The following FCN1 variants were observed in gnomAD, a reference collection of about 807,000 sequenced individuals.
The protein encoded by FCN1 is ficolin-1.
Under a neutral mutation model 35.6 loss-of-function variants are expected in FCN1, and 42 were observed. The observed-to-expected ratio is 1.18, with a 90% CI of 0.92 to 1.53. The LOEUF (loss-of-function observed/expected upper bound fraction) is 1.53. Ranked by LOEUF, FCN1 falls within the 40% of genes most tolerant of loss-of-function variation. The pLI is 0.00. For synonymous variants in FCN1, 179 were observed against 169.8 expected, an observed-to-expected ratio of 1.05 and a Z score of -0.42; for missense variants, 439 against 428.4, an observed-to-expected ratio of 1.02 and a Z score of -0.22.
Position 134,913,019 on chromosome 9 carries a change from C to T in FCN1, c.465G>A (p.Trp155Ter). The change falls in exon 6 of 9, where the codon TGG becomes TGA. Residue 155 changes from tryptophan (W) to a stop codon, truncating the protein, a stop_gained. Transcript: ENST00000371806. LOFTEE classifies it high-confidence loss of function. ...LCDMDTDGGG[W>*]TVFQRRMDGS... Reference sequence around the variant, plus strand: ...CTCTGCCCAGCCCCACACTCACGGTCCAGCCCCCTCCGTCCGTGTCCATGT... The same window carrying T: ...CTCTGCCCAGCCCCACACTCACGGTTCAGCCCCCTCCGTCCGTGTCCATGT... 6.2e-7 allele frequency: 1 copy of T among 1,610,918 alleles called. No individual in the cohort carries two copies. The highest frequency in any genetic ancestry group is 8.5e-7 in the Non-Finnish European group (1 of 1,178,608).
At position 134,907,809 on chromosome 9, in the gene FCN1, C is replaced by T. The variant is rs994030317; in HGVS notation, c.*1989G>A. On this transcript the variant is annotated 3_prime_UTR_variant, in exon 9 of 9. Transcript: ENST00000371806. ...TGTCATGGCTGTATGGCGTTCTACC[C>T]AATGGCTATCCTTGCATTTTTTAAC... The T allele has an allele frequency of 2.0e-5, 3 of 152,208 alleles. No individual in the cohort carries two copies. Among genetic ancestry groups the T allele is most frequent in the African/African-American group, 4.8e-5 (2 of 41,432 alleles). 9.4% of individuals were successfully genotyped at this position (152,208 alleles called of 1,614,324 possible).
At chr9:134,915,566 G>A (rs1054091014) in intron 2 of FCN1, among the ~76,000 whole-genome samples, 3 of 152,168 alleles carry the variant, frequency 2.0e-5, no homozygotes, top group Non-Finnish European at 4.4e-5. Context: ...AGCCTGCGGA[G>A]TGGGCACAGA....
Position 134,905,621 on chromosome 9 carries a change from C to T in FCN1, c.*4177G>A, listed in dbSNP as rs969599711. On this transcript the variant is annotated 3_prime_UTR_variant, in exon 9 of 9. Transcript: ENST00000371806. ...GCCTCAGCTTCTCGAGTAGCTGGGA[C>T]GATAGGCATCCCCCACCATGAACGG... Among the ~76,000 whole-genome samples, 6 of 151,736 alleles carry T rather than the reference C, an allele frequency of 4.0e-5. No individual in the cohort carries two copies. The East Asian group carries it at 7.8e-4, about 20-fold the overall frequency.
At position 134,913,134 on chromosome 9, in the gene FCN1, T is replaced by C. The variant is rs771288863; in HGVS notation, c.350A>G (p.Asn117Ser). 3.1e-6 allele frequency: 5 copies of C among 1,613,698 alleles called. No individual in the cohort carries two copies. Among genetic ancestry groups the C allele is most frequent in the African/African-American group, 2.7e-5 (2 of 74,912 alleles). The change falls in exon 6 of 9, where the codon AAC becomes AGC. Residue 117 changes from asparagine to serine, a missense_variant. By Grantham distance (46) the Asn-to-Ser change is conservative (BLOSUM62 1). Coordinates refer to ENST00000371806, the MANE Select transcript of FCN1 (RefSeq NM_002003.5). ...CCCCCGGTCTAGCAGGTCCTTGCAG[T>C]TGCGTGGGCCTGGGAAGGGAACCCG... Reference protein sequence around the residue: ...QSQSCATGPRNCKDLLDRGYF... With the variant: ...QSQSCATGPRSCKDLLDRGYF...
intron 2 of FCN1, 84 bp downstream of exon 2, chr9:134,916,264 T>C: frequency 1.9e-6 from 2 of 1,063,474 alleles, no homozygotes; most frequent in Admixed American, 3.4e-5. Context: ...GGTGGGGGTG[T>C]TGCCCAACTC....
chr9:134,917,683 T>C, intron 1 of FCN1, 86 bp downstream of exon 1: 1 of 819,874 alleles, frequency 1.2e-6, no homozygotes, highest in South Asian at 1.4e-5. Context: ...AAGATGTGCA[T>C]AAAAGGTTTT....
rs1830995696 is a variant in FCN1 at position 134,909,643 on chromosome 9, G to GA, written c.*154_*155insT. 1.3e-6 allele frequency: 2 copies of GA among 1,589,628 alleles called. No homozygotes were observed. The highest frequency in any genetic ancestry group is 1.7e-6 in the Non-Finnish European group (2 of 1,174,620). ...ATAATTCTCCCTCTGGTGAGGTTGT[G>GA]GGCATGTGGCGGCTTGACTGAGCTG... On this transcript the variant is annotated 3_prime_UTR_variant, in exon 9 of 9. Coordinates refer to ENST00000371806, the MANE Select transcript of FCN1 (RefSeq NM_002003.5).
rs754438411 is a variant in FCN1 at position 134,909,856 on chromosome 9, G to A, written c.923C>T (p.Ala308Val). 3.7e-5 allele frequency: 59 copies of A among 1,613,908 alleles called. 1 individual carries two copies. Among genetic ancestry groups the A allele is most frequent in the South Asian group, 7.7e-5 (7 of 91,080 alleles). Residue 308 changes from alanine (A) to valine (V), a missense_variant, in exon 9 of 9, where the codon GCG becomes GTG. By Grantham distance (64) the Ala-to-Val change is moderately conservative. Coordinates refer to ENST00000371806, the MANE Select transcript of FCN1 (RefSeq NM_002003.5). ...GTAGCTATATTTGTACCCCTTCGCC[G>A]CACTCCAGTTGATACCATTGGCATA... ...ESYANGINWS[A>V]AKGYKYSYKV...
At position 134,903,716 on chromosome 9, in the gene FCN1, A is replaced by G. The variant is rs1169993570; in HGVS notation, c.*6082T>C. 1.3e-5 allele frequency among the ~76,000 whole-genome samples: 2 copies of G among 152,184 alleles called. No homozygotes were observed. Among genetic ancestry groups the G allele is most frequent in the African/African-American group, 4.8e-5 (2 of 41,454 alleles). ...TAAAAAGAAACAAAAAACAGAAGAT[A>G]AGATCTACAGGCCACTGAGGTGTTT... On this transcript the variant is annotated 3_prime_UTR_variant, in exon 9 of 9. Coordinates refer to ENST00000371806, the MANE Select transcript of FCN1 (RefSeq NM_002003.5).
rs186003141 is a variant in FCN1, at chr9:134,912,948, A to C, written c.468+68T>G. On this transcript the variant is annotated intron_variant, in intron 6 of 8. Coordinates refer to ENST00000371806, the MANE Select transcript of FCN1 (RefSeq NM_002003.5). ...AATAGAGAATTCCAGAGTGTGTTCT[A>C]CAACCAGGTGTGCAGCCTGGCCTCC... 2.0e-4 allele frequency: 316 copies of C among 1,575,056 alleles called. No individual in the cohort carries two copies. In the African/African-American group the frequency reaches 3.7e-3, roughly 18 times the overall value.
At chr9:134,913,929 C>T (rs1273049583) in intron 4 of FCN1, among the ~76,000 whole-genome samples, 1 of 152,194 alleles carries the variant, frequency 6.6e-6, no homozygotes, top group Non-Finnish European at 1.5e-5. Context: ...ACTCTTCAAG[C>T]CTGGCAGGGT....
rs986795237 is a variant in FCN1, at chr9:134,907,287, C to T, written c.*2511G>A. 1 of 152,112 alleles carries T rather than the reference C, an allele frequency of 6.6e-6. No individual in the cohort carries two copies. The highest frequency in any genetic ancestry group is 2.4e-5 in the African/African-American group (1 of 41,412). The allele number at this position is 152,112 out of a possible 1,614,324, so 9.4% of individuals were successfully genotyped here. ...GGGGCGTAGTAGGGTCTGGTCAGCC[C>T]CCAATGGGCTACAAGGACCTCTCCT... On this transcript the variant is annotated 3_prime_UTR_variant, in exon 9 of 9. Transcript: ENST00000371806.
chr9:134,911,921 C>A (rs1831027915), intron 7 of FCN1, among the ~76,000 whole-genome samples: 2 of 152,244 alleles, frequency 1.3e-5, no homozygotes, highest in Admixed American at 6.5e-5. Context: ...ATTGTAGTTT[C>A]TTTTGCAGGA....
In FCN1 at chr9:134,916,425, A is replaced by C; in HGVS notation, c.140T>G (p.Leu47Arg). The change falls in exon 2 of 9, where the codon CTC becomes CGC. Residue 47 changes from leucine (L) to arginine (R), a missense_variant. By Grantham distance (102) the Leu-to-Arg change is moderately radical (BLOSUM62 -2). Coordinates refer to ENST00000371806, the MANE Select transcript of FCN1 (RefSeq NM_002003.5). ...KVVGLEGSDKLTILRGCPGLP... is the reference protein window; with the variant it reads ...KVVGLEGSDKRTILRGCPGLP... ...CCCCGGGCAGCCTCGGAGAATGGTG[A>C]GCTTGTCAGAGCCCTCCAGGCCCAC... The C allele has an allele frequency of 1.2e-6, 2 of 1,614,192 alleles. No homozygotes were observed. Among genetic ancestry groups the C allele is most frequent in the Non-Finnish European group, 1.7e-6 (2 of 1,180,036 alleles).
intron 5 of FCN1, 135 bp from the exon 6 acceptor site, chr9:134,913,278 A>AG: frequency 2.4e-6 from 3 of 1,239,498 alleles, no homozygotes; most frequent in Non-Finnish European, 3.4e-6. Flanking sequence ...AGGCCTGGAC[A>AG]GGGACACGGC....
At position 134,909,959 on chromosome 9, in the gene FCN1, A is replaced by G; in HGVS notation, c.820T>C (p.Phe274Leu). 1.2e-6 allele frequency: 2 copies of G among 1,614,130 alleles called. No homozygotes were observed. Among genetic ancestry groups the G allele is most frequent in the Non-Finnish European group, 1.7e-6 (2 of 1,179,994 alleles). Residue 274 changes from phenylalanine (F) to leucine (L), a missense_variant, in exon 9 of 9, where the codon TTC (phenylalanine) becomes CTC (leucine). Physicochemically the swap from Phe to Leu is conservative, Grantham distance 22. Transcript: ENST00000371806. ...TCGGCGTACCACCAGGCTCCTTGGAACTTCTCAGCACAATTCGAAGAACTC... is the reference window on the plus strand; with the variant it reads ...TCGGCGTACCACCAGGCTCCTTGGAGCTTCTCAGCACAATTCGAAGAACTC... Reference protein sequence around the residue: ...DVSSSNCAEKFQGAWWYADCH... With the variant: ...DVSSSNCAEKLQGAWWYADCH...
chr9:134,905,105 T>C lies in FCN1; in HGVS notation c.*4693A>G, dbSNP rs1267495818. Among the ~76,000 whole-genome samples the C allele has an allele frequency of 6.6e-6, 1 of 152,144 alleles. No individual in the cohort carries two copies. Among genetic ancestry groups the C allele is most frequent in the Non-Finnish European group, 1.5e-5 (1 of 68,032 alleles). On this transcript the variant is annotated 3_prime_UTR_variant, in exon 9 of 9. Coordinates refer to ENST00000371806, the MANE Select transcript of FCN1 (RefSeq NM_002003.5). ...ATAGTATACCGTAAAAAATCAAGGC[T>C]ATATATTGCAATCGCAAGCATAAAC...
rs1830979218 is a variant in FCN1 at position 134,908,284 on chromosome 9, CTCTAAT to C, written c.*1508_*1513del. On this transcript the variant is annotated 3_prime_UTR_variant, in exon 9 of 9. Transcript: ENST00000371806. ...TACCTTTTTTTATTTAACTGAGCTG[CTCTAAT>C]TCTTTTATTATTTGCAGGAATTCTT... is the stretch of plus-strand genomic sequence containing the variant. 1 of 152,170 alleles carries C rather than the reference CTCTAAT, an allele frequency of 6.6e-6. No homozygotes were observed. The highest frequency in any genetic ancestry group is 1.5e-5 in the Non-Finnish European group (1 of 68,036). 9.4% of individuals were successfully genotyped at this position (152,170 alleles called of 1,614,324 possible). A position where few individuals can be genotyped will look rare whatever the true frequency, so the allele number is the denominator to read the frequency against.
Position 134,914,791 on chromosome 9 carries a change from C to T in FCN1, c.236G>A (p.Gly79Glu). 1.2e-6 allele frequency: 2 copies of T among 1,612,638 alleles called. No homozygotes were observed. Among genetic ancestry groups the T allele is most frequent in the South Asian group, 1.1e-5 (1 of 90,716 alleles). Reference protein sequence around the residue: ...IGERGERGLPGAPGKAGPVGP... With the variant: ...IGERGERGLPEAPGKAGPVGP... ...CACTGGTCCTGCCTTTCCAGGGGCTCCAGGGAGACCGCGTTCTCCTGAAAA... is the reference window on the plus strand; with the variant it reads ...CACTGGTCCTGCCTTTCCAGGGGCTTCAGGGAGACCGCGTTCTCCTGAAAA... The change falls in exon 3 of 9, where the codon GGA becomes GAA. Residue 79 changes from glycine to glutamate, a missense_variant. By Grantham distance (98) the Gly-to-Glu change is moderately conservative (BLOSUM62 -2). Coordinates refer to ENST00000371806, the MANE Select transcript of FCN1 (RefSeq NM_002003.5).
Sources: gnomAD v4.1 joint callset for allele counts (sites outside exome capture counted in the v4.1 genomes callset) on GRCh38, gnomAD v4.1.1 for gene constraint, MANE v1.5 for transcripts, NCBI Gene and HGNC (gene_info 2026-07-23, HGNC 2026-07-21) for gene names.